Variants in PRELID2 observed in about 807,000 individuals in gnomAD.
The protein encoded by PRELID2 is PRELI domain containing 2, also known as PRELI domain-containing protein 2.
PRELID2 carries 25 observed loss-of-function variants against 28.4 expected under a neutral mutation model. The ratio of observed to expected loss-of-function variants is 0.88; its 90% CI spans 0.64 to 1.23. The LOEUF (loss-of-function observed/expected upper bound fraction) is 1.23, where lower values mean the gene tolerates loss of function less well. PRELID2 is among the 50% of genes most tolerant of loss of function. PRELID2 has a pLI of 0.00. For missense variants in PRELID2, 201 were observed against 214.4 expected (o/e 0.94, Z 0.39); for synonymous variants, 76 against 71.6 (o/e 1.06, Z -0.31).
chr5:145,337,650 C>T, the PRELID2 span, among the ~76,000 whole-genome samples: 123 of 140,242 alleles, frequency 8.8e-4, no homozygotes, highest in African/African-American at 3.2e-3. Context: ...TCAAAGGATA[C>T]AGATGAACAG....
chr5:145,514,910 G>T (rs560765330), intron 1 of PRELID2, among the ~76,000 whole-genome samples: 39 of 152,132 alleles, frequency 2.6e-4, no homozygotes, highest in Non-Finnish European at 4.9e-4. Context: ...ATGACTACTG[G>T]GTAAATAACA....
the PRELID2 span, among the ~76,000 whole-genome samples, chr5:145,441,767 C>T: frequency 6.6e-6 from 1 of 152,086 alleles, no homozygotes; most frequent in African/African-American, 2.4e-5. Context: ...GCAGTTTGCT[C>T]TGTTAGCATT....
chr5:145,429,710 AT>A, the PRELID2 span, among the ~76,000 whole-genome samples: 5 of 151,926 alleles, frequency 3.3e-5, no homozygotes, highest in African/African-American at 1.2e-4. Context: ...TACCAGAAAT[AT>A]GATATCAAGA....
chr5:145,496,911 G>C (rs541195039), intron 1 of PRELID2, among the ~76,000 whole-genome samples: 1 of 152,130 alleles, frequency 6.6e-6, no homozygotes, highest in Non-Finnish European at 1.5e-5. Context: ...TGCCTGAGCT[G>C]GAGTACAGTG....
rs1330118808 is a variant in PRELID2 at position 145,817,883 on chromosome 5, A to G, written c.368+11T>C. ...AACCAAAACACACACACATATACAC[A>G]CGAGTCTTACCAATTTGGGTTTTCC... On this transcript the variant is annotated intron_variant, in intron 4 of 6. Transcript: ENST00000683046. The G allele has an allele frequency of 6.5e-7, 1 of 1,537,976 alleles. No homozygotes were observed. Among genetic ancestry groups the G allele is most frequent in the South Asian group, 1.3e-5 (1 of 76,998 alleles).
chr5:145,833,492 C>T (rs1755737839), intron 1 of PRELID2, among the ~76,000 whole-genome samples: 1 of 152,220 alleles, frequency 6.6e-6, no homozygotes, highest in Non-Finnish European at 1.5e-5. Context: ...AAGTCTACAA[C>T]AGGTCTGTAA....
At chr5:145,458,301 G>T in the PRELID2 span, among the ~76,000 whole-genome samples, 1 of 152,108 alleles carries the variant, frequency 6.6e-6, no homozygotes. Flanking sequence ...AATTATATTT[G>T]ATCTTTACAT....
intron 1 of PRELID2, among the ~76,000 whole-genome samples, chr5:145,532,190 C>A (rs947878637): frequency 7.2e-5 from 11 of 151,944 alleles, no homozygotes; most frequent in Non-Finnish European, 1.6e-4. Context: ...TATTCTAATC[C>A]CACCCAGACC....
intron 1 of PRELID2, among the ~76,000 whole-genome samples, chr5:145,660,201 G>GTA (rs1754466760): frequency 1.3e-5 from 2 of 152,188 alleles, no homozygotes; most frequent in African/African-American, 4.8e-5. Context: ...GGACAGCACA[G>GTA]TGGTTAAGAG....
At chr5:145,529,846 T>TCTGA (rs1292503866) in intron 1 of PRELID2, among the ~76,000 whole-genome samples, 3 of 152,196 alleles carry the variant, frequency 2.0e-5, no homozygotes, top group Admixed American at 2.0e-4. Context: ...CTGAGAAATG[T>TCTGA]CTGATCCCTA....
chr5:145,656,948 T>C (rs1754406953), intron 1 of PRELID2, among the ~76,000 whole-genome samples: 1 of 152,118 alleles, frequency 6.6e-6, no homozygotes, highest in East Asian at 1.9e-4. Flanking sequence ...CTGTTCTTAG[T>C]CTCCTTAGCC....
At chr5:145,680,752 A>G (rs1318245701) in intron 1 of PRELID2, among the ~76,000 whole-genome samples, 1 of 152,142 alleles carries the variant, frequency 6.6e-6, no homozygotes, top group African/African-American at 2.4e-5. Flanking sequence ...TGCTTAAGAT[A>G]GTTTTAGTGC....
the PRELID2 span, among the ~76,000 whole-genome samples, chr5:145,391,581 C>A: frequency 2.6e-5 from 4 of 152,156 alleles, no homozygotes; most frequent in Admixed American, 6.5e-5. Flanking sequence ...CTCTGACATG[C>A]CCTGGAGATA....
chr5:145,565,392 C>A (rs755638216), intron 1 of PRELID2, among the ~76,000 whole-genome samples: 9 of 152,216 alleles, frequency 5.9e-5, no homozygotes, highest in Admixed American at 2.6e-4. Flanking sequence ...TGCATCAAAC[C>A]AAGTGTCTTT....
chr5:145,525,079 C>A (rs1051369204), intron 1 of PRELID2, among the ~76,000 whole-genome samples: 4 of 152,134 alleles, frequency 2.6e-5, no homozygotes, highest in African/African-American at 7.2e-5. Context: ...TTATTCTATG[C>A]CATTGGGCTG....
At chr5:145,635,786 T>G (rs1753992099) in intron 1 of PRELID2, among the ~76,000 whole-genome samples, 2 of 152,344 alleles carry the variant, frequency 1.3e-5, no homozygotes. Flanking sequence ...GCCTACTCTG[T>G]CTGGCTGGCC....
the PRELID2 span, among the ~76,000 whole-genome samples, chr5:145,274,995 C>T: frequency 6.6e-6 from 1 of 152,096 alleles, no homozygotes; most frequent in Non-Finnish European, 1.5e-5. Flanking sequence ...CTCACTCTGT[C>T]TCTGTTTCAC....
intron 1 of PRELID2, among the ~76,000 whole-genome samples, chr5:145,670,235 G>C (rs934417060): frequency 2.6e-5 from 4 of 152,116 alleles, no homozygotes; most frequent in Non-Finnish European, 4.4e-5. Flanking sequence ...GAGCAGGTGT[G>C]TCACGTGGCA....
At chr5:145,807,470 T>A (rs1753592468) in intron 4 of PRELID2, among the ~76,000 whole-genome samples, 1 of 152,156 alleles carries the variant, frequency 6.6e-6, no homozygotes, top group Admixed American at 6.5e-5. Flanking sequence ...GCAGAGCATG[T>A]CTATTTTTTA....
Sources: allele counts gnomAD v4.1 joint callset (sites outside exome capture counted in the v4.1 genomes callset), GRCh38; gene constraint gnomAD v4.1.1; transcripts MANE v1.5; gene names NCBI Gene and HGNC (gene_info 2026-07-23, HGNC 2026-07-21).